Variants in TRANK1 observed in about 807,000 individuals in gnomAD.
TRANK1 encodes TPR and ankyrin repeat-containing protein 1.
In TRANK1, 198 loss-of-function variants were observed where a neutral mutation model predicts 266.0. The ratio of observed to expected loss-of-function variants is 0.74; its 90% CI spans 0.66 to 0.84. TRANK1 has a LOEUF of 0.84. Among genes scored for constraint, TRANK1 ranks in the 40% least tolerant of loss-of-function variants. The pLI is 0.00. For synonymous variants in TRANK1, 1,396 were observed against 1,384.1 expected, an observed-to-expected ratio of 1.01 and a Z score of -0.19; for missense variants, 3,326 against 3,634.6, an observed-to-expected ratio of 0.92 and a Z score of 2.18.
At chr3:36,865,535 T>C (rs1403764312) in intron 9 of TRANK1, among the ~76,000 whole-genome samples, 1 of 152,080 alleles carries the variant, frequency 6.6e-6, no homozygotes, top group Admixed American at 6.5e-5. Context: ...GGGAAGGCAA[T>C]ATCTTTTTCA....
intron 1 of TRANK1, among the ~76,000 whole-genome samples, chr3:36,922,964 T>C (rs1215605631): frequency 2.0e-5 from 3 of 152,156 alleles, no homozygotes; most frequent in South Asian, 4.1e-4. Flanking sequence ...ACTATAAGTC[T>C]GTCTTTCTTC....
At chr3:36,945,635 T>A (rs1291868589), upstream of TRANK1, among the ~76,000 whole-genome samples, 1 of 152,032 alleles carries the variant, frequency 6.6e-6, no homozygotes. Context: ...CCAGTGATGA[T>A]CGACAGAGTA....
chr3:36,838,789 A>T (rs947993624), intron 18 of TRANK1, 73 bp from the exon 19 acceptor site: 1 of 1,448,646 alleles, frequency 6.9e-7, no homozygotes, highest in African/African-American at 1.4e-5. Context: ...TAAAGCATGC[A>T]TTATAAGTTT....
intron 1 of TRANK1, among the ~76,000 whole-genome samples, chr3:36,924,473 G>T (rs1234873821): frequency 6.6e-6 from 1 of 152,128 alleles, no homozygotes; most frequent in Non-Finnish European, 1.5e-5. Context: ...ACATTCTAAA[G>T]CATTAAAACA....
chr3:36,851,692 G>T, intron 15 of TRANK1, 27 bp downstream of exon 15: 4 of 1,596,212 alleles, frequency 2.5e-6, no homozygotes, highest in South Asian at 2.3e-5. Flanking sequence ...AATATTCATT[G>T]TGTGAAAAGA....
At position 36,829,285 on chromosome 3, in the gene TRANK1, G is replaced by A. The variant is rs542184930; in HGVS notation, c.8809+279C>T. Among the ~76,000 whole-genome samples the A allele has an allele frequency of 3.3e-5, 5 of 152,334 alleles. No homozygotes were observed. In the East Asian group the frequency reaches 9.7e-4, roughly 29 times the overall value. On this transcript the variant is annotated intron_variant, in intron 23 of 23. Coordinates refer to ENST00000645898, the MANE Select transcript of TRANK1 (RefSeq NM_001329998.2). The stretch of plus-strand genomic sequence containing the variant: ...CCATCCTTGGGAGTCACTGCATTGA[G>A]TATGTGCAGTGACTGAGCATTATCA...
intron 20 of TRANK1, 62 bp downstream of exon 20, chr3:36,838,310 C>T (rs2078797126): frequency 6.3e-7 from 1 of 1,597,062 alleles, no homozygotes; most frequent in Middle Eastern, 1.9e-4. Context: ...TCGAGCCTAC[C>T]CCTCAATCTG....
At chr3:36,910,479 C>A (rs1032689718) in intron 1 of TRANK1, among the ~76,000 whole-genome samples, 1 of 152,190 alleles carries the variant, frequency 6.6e-6, no homozygotes, top group Non-Finnish European at 1.5e-5. Flanking sequence ...GTGGCTCACA[C>A]CTGTAATCCC....
chr3:36,879,761 AAT>A lies in TRANK1; in HGVS notation c.908-5467_908-5466del, dbSNP rs1259748888. Among the ~76,000 whole-genome samples, 303 of 71,906 alleles carry A rather than the reference AAT, an allele frequency of 4.2e-3. 55 individuals carry two copies. The highest frequency in any genetic ancestry group is 0.026 in the South Asian group (64 of 2,436). 47.2% of individuals were successfully genotyped at this position (71,906 alleles called of 152,430 possible). On this transcript the variant is annotated intron_variant, in intron 8 of 23. Transcript: ENST00000645898. ...ATATACAAATATATAAATATATATA[AAT>A]ATATATAAATATATATAAATATGTA...
intron 9 of TRANK1, 66 bp downstream of exon 9, chr3:36,874,060 G>A: frequency 7.1e-7 from 1 of 1,404,058 alleles, no homozygotes. Flanking sequence ...GAGATAAACT[G>A]ATTTGTATCT....
chr3:36,895,528 A>G, intron 5 of TRANK1, 112 bp downstream of exon 5: 1 of 622,728 alleles, frequency 1.6e-6, no homozygotes, highest in Non-Finnish European at 2.6e-6. Flanking sequence ...TTAAAAATTT[A>G]CCCTGGCATC....
At chr3:36,883,844 C>T (rs146219512) in intron 8 of TRANK1, among the ~76,000 whole-genome samples, 21 of 152,100 alleles carry the variant, frequency 1.4e-4, no homozygotes, top group African/African-American at 5.1e-4. Flanking sequence ...GGAATACAAA[C>T]ACTAAAAAAA....
At position 36,861,169 on chromosome 3, in the gene TRANK1, A is replaced by C; in HGVS notation, c.1241-9T>G. 1 of 1,535,644 alleles carries C rather than the reference A, an allele frequency of 6.5e-7. No homozygotes were observed. Among genetic ancestry groups the C allele is most frequent in the Non-Finnish European group, 8.7e-7 (1 of 1,145,890 alleles). ...CAGGTCAGGAGGAATTTCTTTCAAA[A>C]ATAAGAGTAAGACACATTCCAAAAA... On this transcript the variant is annotated splice_polypyrimidine_tract_variant and intron_variant, in intron 10 of 23. Coordinates refer to ENST00000645898, the MANE Select transcript of TRANK1 (RefSeq NM_001329998.2).
At chr3:36,842,098 T>C (rs530004988) in intron 18 of TRANK1, among the ~76,000 whole-genome samples, 1 of 152,256 alleles carries the variant, frequency 6.6e-6, no homozygotes, top group Non-Finnish European at 1.5e-5. Flanking sequence ...GCTACAGAGA[T>C]AACACTTCCT....
In TRANK1 at chr3:36,832,413, C is replaced by A. The variant is rs769006137; in HGVS notation, c.7170G>T (p.Leu2390=). 2 of 1,613,884 alleles carry A rather than the reference C, an allele frequency of 1.2e-6. No individual in the cohort carries two copies. Among genetic ancestry groups the A allele is most frequent in the African/African-American group, 2.7e-5 (2 of 74,920 alleles). The stretch of plus-strand genomic sequence containing the variant: ...TATTTTCATCATCCCTGTTGGGTGC[C>A]AGCATGCCAAATTTCCCTTCTATTC... ...IKGIEGKFGM[L]APNRDDENMD... is the part of the protein sequence containing the mutation. The change falls in exon 22 of 24, where the codon CTG becomes CTT. Residue 2390 remains leucine, a synonymous_variant. Transcript: ENST00000645898.
At chr3:36,920,998 CT>C (rs1242898906) in intron 1 of TRANK1, among the ~76,000 whole-genome samples, 1 of 152,154 alleles carries the variant, frequency 6.6e-6, no homozygotes, top group Non-Finnish European at 1.5e-5. Flanking sequence ...AGTAAACAAC[CT>C]TTTCCACCAG....
chr3:36,910,093 A>C (rs2080030190), intron 1 of TRANK1, among the ~76,000 whole-genome samples: 1 of 152,256 alleles, frequency 6.6e-6, no homozygotes, highest in Non-Finnish European at 1.5e-5. Flanking sequence ...ACTGCAAGAA[A>C]AGACCAACAT....
intron 10 of TRANK1, among the ~76,000 whole-genome samples, chr3:36,861,704 CTTTT>C (rs375054559): frequency 8.1e-6 from 1 of 124,132 alleles, no homozygotes. Flanking sequence ...GAGTAGAAAA[CTTTT>C]TTTTTTTTTT....
Position 36,878,569 on chromosome 3 carries a change from T to G in TRANK1, c.908-4273A>C, listed in dbSNP as rs114701161. Among the ~76,000 whole-genome samples the G allele has an allele frequency of 8.8e-3, 1,335 of 152,134 alleles. 26 individuals carry two copies. The highest frequency in any genetic ancestry group is 0.031 in the African/African-American group (1,276 of 41,490). On this transcript the variant is annotated intron_variant, in intron 8 of 23. Transcript: ENST00000645898. The stretch of plus-strand genomic sequence containing the variant: ...AGTGAGGGCTACACAGCTAGAATAC[T>G]TGGACACCAGGAGGGAAACAACAGA...
Sources: gnomAD v4.1 joint callset for allele counts (sites outside exome capture counted in the v4.1 genomes callset) on GRCh38, gnomAD v4.1.1 for gene constraint, MANE v1.5 for transcripts, NCBI Gene and HGNC (gene_info 2026-07-23, HGNC 2026-07-21) for gene names.